SPPL2B: variants seen among roughly 807,000 people sequenced by gnomAD.
SPPL2B encodes the protein signal peptide peptidase like 2B, also known as signal peptide peptidase-like 2B.
SPPL2B carries 39 observed loss-of-function variants against 59.7 expected under a neutral mutation model. The observed-to-expected ratio is 0.65, with a 90% CI of 0.51 to 0.85. The LOEUF is 0.85. Ranked by LOEUF, SPPL2B falls within the 40% of genes least tolerant of loss-of-function variation. SPPL2B has a pLI of 0.00. For missense variants in SPPL2B, 865 were observed against 849.0 expected (o/e 1.02, Z -0.23); for synonymous variants, 419 against 370.8 (o/e 1.13, Z -1.49).
intron 14 of SPPL2B, among the ~76,000 whole-genome samples, chr19:2,352,105 G>A (rs1256115252): frequency 6.6e-6 from 1 of 152,198 alleles, no homozygotes; most frequent in Non-Finnish European, 1.5e-5. Flanking sequence ...GGTTGGCAAG[G>A]GTTAAACGTG....
At chr19:2,341,147 A>G in intron 8 of SPPL2B, 133 bp downstream of exon 8, 1 of 729,986 alleles carries the variant, frequency 1.4e-6, no homozygotes, top group East Asian at 2.7e-5. Flanking sequence ...CGTGATGAAG[A>G]GCCCTGGCCC....
chr19:2,354,945 G>C lies in SPPL2B; in HGVS notation c.*1736G>C, dbSNP rs1024185420. ...AATTGCCACCGCAGGGCCGGCCAGT[G>C]CTGTGAGGTGCCCAGCGTCACTCCC... On this transcript the variant is annotated 3_prime_UTR_variant, in exon 15 of 15. Transcript: ENST00000613503. The C allele has an allele frequency of 6.6e-6, 1 of 152,326 alleles. No homozygotes were observed. The highest frequency in any genetic ancestry group is 1.5e-5 in the Non-Finnish European group (1 of 68,114). 9.4% of individuals were successfully genotyped at this position (152,326 alleles called of 1,614,324 possible).
In SPPL2B at chr19:2,333,422, C is replaced by T. The variant is rs182384076; in HGVS notation, c.67-1180C>T. ...TAGGCCAGAGCCCTGCAGTGTCCGC[C>T]GTGGTCCCTGCGGTGGGAGGCGTGG... On this transcript the variant is annotated intron_variant, in intron 1 of 14. Transcript: ENST00000613503. Among the ~76,000 whole-genome samples the T allele has an allele frequency of 2.6e-5, 4 of 152,328 alleles. No individual in the cohort carries two copies. In the East Asian group the frequency reaches 7.7e-4, roughly 29 times the overall value.
chr19:2,331,926 G>C (rs960322330), intron 1 of SPPL2B, among the ~76,000 whole-genome samples: 5 of 152,242 alleles, frequency 3.3e-5, no homozygotes, highest in South Asian at 2.1e-4. Context: ...GGGCCGGACT[G>C]TGGATTCTTG....
intron 1 of SPPL2B, among the ~76,000 whole-genome samples, chr19:2,331,989 G>A (rs1968314778): frequency 6.6e-6 from 1 of 152,260 alleles, no homozygotes; most frequent in South Asian, 2.1e-4. Flanking sequence ...CTGGGGGGCT[G>A]TGTTGGAAGG....
intron 13 of SPPL2B, among the ~76,000 whole-genome samples, chr19:2,347,489 T>A (rs1377231421): frequency 4.7e-5 from 1 of 21,242 alleles, no homozygotes; most frequent in Non-Finnish European, 7.5e-5. Flanking sequence ...CCACACACAC[T>A]CACGCACTCT....
At position 2,344,640 on chromosome 19, in the gene SPPL2B, A is replaced by G. The variant is rs1364178076; in HGVS notation, c.1264A>G (p.Ile422Val). Residue 422 changes from isoleucine to valine, a missense_variant, in exon 12 of 15, where the codon ATT (isoleucine) becomes GTT (valine). Physicochemically the swap from Ile to Val is conservative, Grantham distance 29. Coordinates refer to ENST00000613503, the MANE Select transcript of SPPL2B (RefSeq NM_152988.3). Reference sequence around the variant, plus strand: ...CTTCTCCCTCCTGGGTTTCGGAGACATTTTGGTGCCAGGTACTGAGGCGGG... The same window carrying G: ...CTTCTCCCTCCTGGGTTTCGGAGACGTTTTGGTGCCAGGTACTGAGGCGGG... ...RPFSLLGFGD[I>V]LVPGLLVAYC... is the part of the protein sequence containing the mutation. 1.2e-6 allele frequency: 2 copies of G among 1,610,532 alleles called. No individual in the cohort carries two copies. Among genetic ancestry groups the G allele is most frequent in the African/African-American group, 1.3e-5 (1 of 74,866 alleles).
chr19:2,339,168 G>A lies in SPPL2B; in HGVS notation c.559G>A (p.Ala187Thr), dbSNP rs746358794. ...CTTCATCATGGCTGTGGGCACCGTC[G>A]CCATCGGCGGCTACTGGGCCGGGAG... Reference protein sequence around the residue: ...IIFIMAVGTVAIGGYWAGSRD... With the variant: ...IIFIMAVGTVTIGGYWAGSRD... Residue 187 changes from alanine (A) to threonine (T), a missense_variant, in exon 5 of 15, where the codon GCC becomes ACC. Physicochemically the swap from Ala to Thr is moderately conservative, Grantham distance 58. Transcript: ENST00000613503. 28 of 1,603,006 alleles carry A rather than the reference G, an allele frequency of 1.7e-5. No homozygotes were observed. The East Asian group carries it at 3.8e-4, about 22-fold the overall frequency.
rs1299057805 is a variant in SPPL2B, at chr19:2,354,501, G to C, written c.*1292G>C. Reference sequence around the variant, plus strand: ...CGAGTCCAGAATCTGTTTCTGTCAAGTCAGTCGTCCCCAGCTGCACACGGG... The same window carrying C: ...CGAGTCCAGAATCTGTTTCTGTCAACTCAGTCGTCCCCAGCTGCACACGGG... On this transcript the variant is annotated 3_prime_UTR_variant, in exon 15 of 15. Coordinates refer to ENST00000613503, the MANE Select transcript of SPPL2B (RefSeq NM_152988.3). The C allele has an allele frequency of 1.3e-5, 2 of 152,274 alleles. No individual in the cohort carries two copies. Among genetic ancestry groups the C allele is most frequent in the Non-Finnish European group, 2.9e-5 (2 of 68,100 alleles). The allele number at this position is 152,274 out of a possible 1,614,324, so 9.4% of individuals were successfully genotyped here.
At chr19:2,343,111 G>A (rs1282797574) in intron 8 of SPPL2B, 100 bp from the exon 9 acceptor site, 19 of 919,032 alleles carry the variant, frequency 2.1e-5, no homozygotes, top group African/African-American at 4.9e-5. Context: ...GTGGGGCTGC[G>A]TGCTGGCTGA....
chr19:2,334,797 GGGTTGCA>G, intron 2 of SPPL2B, 76 bp downstream of exon 2: 1 of 1,445,706 alleles, frequency 6.9e-7, no homozygotes, highest in Non-Finnish European at 9.1e-7. Flanking sequence ...CATCCGGCTG[GGGTTGCA>G]GGAAAGATCC....
chr19:2,333,162 G>A (rs1599195888), intron 1 of SPPL2B, among the ~76,000 whole-genome samples: 1 of 93,506 alleles, frequency 1.1e-5, no homozygotes, highest in Non-Finnish European at 2.2e-5. Context: ...AGCAGGAGGA[G>A]GGTGGGGATG....
rs1390039779 is a variant in SPPL2B at position 2,332,451 on chromosome 19, T to C, written c.67-2151T>C. 1.3e-5 allele frequency among the ~76,000 whole-genome samples: 2 copies of C among 152,208 alleles called. No individual in the cohort carries two copies. The highest frequency in any genetic ancestry group is 2.9e-5 in the Non-Finnish European group (2 of 68,038). ...TGGCAGAGCTGCGTCTGCACTGTTT[T>C]CCCTTGTGGCGTTGTGGTGTCGGCC... is the stretch of plus-strand genomic sequence containing the variant. On this transcript the variant is annotated intron_variant, in intron 1 of 14. Transcript: ENST00000613503. The surrounding 1 kb of genome is among the most constrained non-coding windows in gnomAD (Gnocchi z 4.6).
chr19:2,336,794 T>G (rs932284377), intron 2 of SPPL2B, among the ~76,000 whole-genome samples: 8 of 146,220 alleles, frequency 5.5e-5, no homozygotes, highest in Non-Finnish European at 1.1e-4. Context: ...TGGCTGTGGG[T>G]GTGTGTGTGT....
chr19:2,343,546 G>A (rs1055661658), intron 9 of SPPL2B, among the ~76,000 whole-genome samples: 1 of 152,182 alleles, frequency 6.6e-6, no homozygotes, highest in Non-Finnish European at 1.5e-5. Flanking sequence ...GTGGTGGTGA[G>A]AGTGGTTGAA....
chr19:2,353,021 C>T lies in SPPL2B; in HGVS notation c.1591C>T (p.Leu531Phe). Residue 531 changes from leucine to phenylalanine, a missense_variant, in exon 15 of 15, where the codon CTC becomes TTC. Physicochemically the swap from Leu to Phe is conservative, Grantham distance 22. Coordinates refer to ENST00000613503, the MANE Select transcript of SPPL2B (RefSeq NM_152988.3). Reference sequence around the variant, plus strand: ...GCCTCCCAAAGACTCTGCCACGCCACTCTCCCCGCAGCCGCCCAGCGAAGA... The same window carrying T: ...GCCTCCCAAAGACTCTGCCACGCCATTCTCCCCGCAGCCGCCCAGCGAAGA... ...PQPPKDSATP[L>F]SPQPPSEEPA... 6.2e-7 allele frequency: 1 copy of T among 1,612,188 alleles called. No homozygotes were observed. The highest frequency in any genetic ancestry group is 8.5e-7 in the Non-Finnish European group (1 of 1,179,712).
chr19:2,335,540 A>T (rs1216861333), intron 2 of SPPL2B, among the ~76,000 whole-genome samples: 1 of 137,656 alleles, frequency 7.3e-6, no homozygotes, highest in Non-Finnish European at 1.6e-5. Flanking sequence ...TTCATCCCTC[A>T]GGCCCTGCCT....
chr19:2,349,690 C>T (rs1214263285), intron 13 of SPPL2B, among the ~76,000 whole-genome samples: 3 of 110,618 alleles, frequency 2.7e-5, no homozygotes, highest in Admixed American at 9.4e-5. Flanking sequence ...CGCCTGATTC[C>T]GTTCTCTCTC....
intron 13 of SPPL2B, among the ~76,000 whole-genome samples, chr19:2,348,156 T>TTC (rs59723181): frequency 0.067 from 1,569 of 23,570 alleles, 175 homozygotes; most frequent in African/African-American, 0.27. Flanking sequence ...CTTGATTCCG[T>TTC]TCTCTCTCCA....
Sources: allele counts gnomAD v4.1 joint callset (sites outside exome capture counted in the v4.1 genomes callset), GRCh38; gene constraint gnomAD v4.1.1; non-coding constraint Gnocchi (gnomAD v3.1); transcripts MANE v1.5; gene names NCBI Gene and HGNC (gene_info 2026-07-23, HGNC 2026-07-21).